The following PTPRD variants were observed in gnomAD, a reference collection of about 807,000 sequenced individuals.
PTPRD encodes protein tyrosine phosphatase receptor type D.
In PTPRD, 34 loss-of-function variants were observed where a neutral mutation model predicts 214.5. The observed-to-expected ratio is 0.16, with a 90% confidence interval of 0.12 to 0.21. PTPRD has a LOEUF of 0.21. Ranked by LOEUF, PTPRD falls within the 10% of genes least tolerant of loss-of-function variation. PTPRD has a pLI of 1.00. For missense variants in PTPRD, 2,545 were observed against 2,398.7 expected, an observed-to-expected ratio of 1.06 and a Z score of -1.27; for synonymous variants, 1,128 against 845.7, an observed-to-expected ratio of 1.33 and a Z score of -5.79.
intron 35 of PTPRD, among the ~76,000 whole-genome samples, chr9:8,411,446 GGCATGTGTCA>G (rs1026932999): frequency 6.6e-6 from 1 of 152,084 alleles, no homozygotes; most frequent in African/African-American, 2.4e-5. Flanking sequence ...TGGGATTACA[GGCATGTGTCA>G]CCATGCCTGG....
At chr9:9,233,457 A>G (rs1381072424) in intron 9 of PTPRD, among the ~76,000 whole-genome samples, 3 of 151,910 alleles carry the variant, frequency 2.0e-5, no homozygotes, top group Non-Finnish European at 4.4e-5. Flanking sequence ...GCCCCGGGCC[A>G]CTCCCTAATC....
chr9:10,416,426 A>G (rs1420612141), intron 2 of PTPRD, among the ~76,000 whole-genome samples: 3 of 151,918 alleles, frequency 2.0e-5, no homozygotes. Flanking sequence ...GAAATGCTCA[A>G]GATGAGTGGT....
At chr9:10,445,364 G>C (rs1188505485) in intron 2 of PTPRD, among the ~76,000 whole-genome samples, 1 of 152,054 alleles carries the variant, frequency 6.6e-6, no homozygotes, top group Non-Finnish European at 1.5e-5. Context: ...CAGGTACAGA[G>C]AGAAGCTGGA....
chr9:9,393,942 C>T (rs1293862107), intron 9 of PTPRD, among the ~76,000 whole-genome samples: 3 of 152,098 alleles, frequency 2.0e-5, no homozygotes, highest in African/African-American at 7.2e-5. Flanking sequence ...CGCAACATTG[C>T]CACCAATACT....
chr9:10,362,729 A>G (rs528210196), intron 2 of PTPRD, among the ~76,000 whole-genome samples: 1 of 152,136 alleles, frequency 6.6e-6, no homozygotes, highest in Admixed American at 6.5e-5. Flanking sequence ...AAAATATAAA[A>G]ATTAGCCAGG....
intron 3 of PTPRD, among the ~76,000 whole-genome samples, chr9:10,101,589 A>T (rs1296219880): frequency 6.6e-6 from 1 of 151,646 alleles, no homozygotes; most frequent in Non-Finnish European, 1.5e-5. Context: ...TGATAGAAAC[A>T]GTTCTTACCT....
intron 14 of PTPRD, among the ~76,000 whole-genome samples, chr9:8,554,506 G>A (rs1284683607): frequency 1.3e-5 from 2 of 152,120 alleles, no homozygotes; most frequent in East Asian, 3.9e-4. Flanking sequence ...GGAACACAGA[G>A]AGGTATATGA....
At chr9:9,155,920 C>G (rs546831637) in intron 10 of PTPRD, among the ~76,000 whole-genome samples, 1 of 152,246 alleles carries the variant, frequency 6.6e-6, no homozygotes, top group Non-Finnish European at 1.5e-5. Flanking sequence ...TGCTTTATTT[C>G]TTTCCTGCTT....
intron 8 of PTPRD, among the ~76,000 whole-genome samples, chr9:9,411,088 C>T (rs2075276089): frequency 1.3e-5 from 2 of 152,036 alleles, no homozygotes; most frequent in South Asian, 2.1e-4. Context: ...AATAAATATG[C>T]CATTAACCTG....
rs537839193 is a variant in PTPRD at position 9,747,421 on chromosome 9, T to C, written c.-325-12850A>G. On this transcript the variant is annotated intron_variant, in intron 6 of 45. Coordinates refer to ENST00000381196, the MANE Select transcript of PTPRD (RefSeq NM_002839.4). Reference sequence around the variant, plus strand: ...TGCTCACAATAGAGTGTGTGAGCCATGCTACAAGACAGAATCCACATTCGT... The same window carrying C: ...TGCTCACAATAGAGTGTGTGAGCCACGCTACAAGACAGAATCCACATTCGT... 2.6e-5 allele frequency among the ~76,000 whole-genome samples: 4 copies of C among 152,172 alleles called. No homozygotes were observed. In the South Asian group the frequency reaches 8.3e-4, roughly 32 times the overall value.
At chr9:9,855,106 G>C (rs1328948478) in intron 5 of PTPRD, among the ~76,000 whole-genome samples, 1 of 152,156 alleles carries the variant, frequency 6.6e-6, no homozygotes, top group East Asian at 1.9e-4. Flanking sequence ...GAGTTGTCCT[G>C]ATCAACCTAC....
intron 29 of PTPRD, among the ~76,000 whole-genome samples, chr9:8,484,605 G>GATATATAT (rs1392070274): frequency 8.2e-6 from 1 of 121,430 alleles, no homozygotes; most frequent in African/African-American, 3.6e-5. Flanking sequence ...AATACACAAA[G>GATATATAT]ATAGATATAT....
chr9:10,569,537 G>A (rs989614328), intron 2 of PTPRD, among the ~76,000 whole-genome samples: 1 of 150,946 alleles, frequency 6.6e-6, no homozygotes, highest in African/African-American at 2.4e-5. Flanking sequence ...CTCTCTGTGT[G>A]TATATATATA....
chr9:8,618,091 C>G (rs896638330), intron 14 of PTPRD, among the ~76,000 whole-genome samples: 1 of 152,078 alleles, frequency 6.6e-6, no homozygotes, highest in Non-Finnish European at 1.5e-5. Context: ...TGCTGCTTTC[C>G]GCAGTCTTAA....
chr9:8,768,378 T>C (rs958657935), intron 11 of PTPRD, among the ~76,000 whole-genome samples: 6 of 152,104 alleles, frequency 3.9e-5, no homozygotes, highest in African/African-American at 1.4e-4. Context: ...TGGCAAAACC[T>C]TGTCTCTACA....
intron 3 of PTPRD, among the ~76,000 whole-genome samples, chr9:10,114,114 G>A (rs1280828862): frequency 2.6e-5 from 4 of 152,188 alleles, no homozygotes; most frequent in African/African-American, 9.6e-5. Flanking sequence ...GGAACATGCT[G>A]TGGAAATCAA....
intron 2 of PTPRD, among the ~76,000 whole-genome samples, chr9:10,498,132 T>G (rs1023947200): frequency 6.6e-6 from 1 of 151,950 alleles, no homozygotes; most frequent in Non-Finnish European, 1.5e-5. Flanking sequence ...ATGGATTTGG[T>G]TGAACTCCCT....
chr9:9,658,906 T>C (rs1238146903), intron 7 of PTPRD, among the ~76,000 whole-genome samples: 1 of 152,132 alleles, frequency 6.6e-6, no homozygotes, highest in Middle Eastern at 3.2e-3. Context: ...AGTTAGAGCC[T>C]AGATTTAAAT....
At chr9:10,094,873 A>G (rs1266461596) in intron 3 of PTPRD, among the ~76,000 whole-genome samples, 1 of 151,472 alleles carries the variant, frequency 6.6e-6, no homozygotes, top group Admixed American at 6.6e-5. Flanking sequence ...GTTTTTATGC[A>G]TTAGTAATCG....
Sources: gnomAD v4.1 joint callset for allele counts (sites outside exome capture counted in the v4.1 genomes callset) on GRCh38, gnomAD v4.1.1 for gene constraint, MANE v1.5 for transcripts, NCBI Gene and HGNC (gene_info 2026-07-23, HGNC 2026-07-21) for gene names.